TRIO: variants seen among roughly 807,000 people sequenced by gnomAD.
The protein encoded by TRIO is trio Rho guanine nucleotide exchange factor, also known as triple functional domain protein.
In TRIO, 58 loss-of-function variants were observed where a neutral mutation model predicts 351.9. The ratio of observed to expected loss-of-function variants is 0.16; its 90% CI spans 0.13 to 0.21. The LOEUF (loss-of-function observed/expected upper bound fraction) is 0.21. TRIO is among the 10% of genes least tolerant of loss of function. The pLI is 1.00. For synonymous variants in TRIO, 1,758 were observed against 1,595.7 expected (o/e 1.10, Z -2.42); for missense variants, 3,201 against 4,027.8 (o/e 0.79, Z 5.56).
At chr5:14,436,361 A>G (rs1327808838) in intron 34 of TRIO, among the ~76,000 whole-genome samples, 3 of 152,148 alleles carry the variant, frequency 2.0e-5, no homozygotes, top group East Asian at 1.9e-4. Flanking sequence ...CCATGATTCA[A>G]TTACTTCCCA....
In TRIO at chr5:14,492,695, C is replaced by T. The variant is rs776305258; in HGVS notation, c.7761C>T (p.Asn2587=). 1.6e-5 allele frequency: 26 copies of T among 1,614,030 alleles called. No homozygotes were observed. In the African/African-American group the frequency reaches 2.9e-4, roughly 18 times the overall value. The change falls in exon 49 of 57, where the codon AAC becomes AAT. Residue 2587 remains asparagine (N), a synonymous_variant. Coordinates refer to ENST00000344204, the MANE Select transcript of TRIO (RefSeq NM_007118.4). ...AAATTCTGGCCAGCAACCAGCAGAA[C>T]ATGTTTCTGGTGTTCCGAGCCGCCA... The part of the protein sequence containing the change: ...VVQILASNQQ[N]MFLVFRAATD...
intron 13 of TRIO, among the ~76,000 whole-genome samples, chr5:14,361,162 A>G (rs1256790200): frequency 6.6e-6 from 1 of 151,750 alleles, no homozygotes. Context: ...TTCTTCCAGG[A>G]CATTTTGATA....
At chr5:14,314,261 A>G (rs1739182981) in intron 8 of TRIO, among the ~76,000 whole-genome samples, 12 of 152,248 alleles carry the variant, frequency 7.9e-5, no homozygotes, top group Admixed American at 7.8e-4. Flanking sequence ...ATATGTGTAC[A>G]TAAAAATTAT....
chr5:14,181,061 A>C (rs1789734935), intron 1 of TRIO, among the ~76,000 whole-genome samples: 1 of 147,362 alleles, frequency 6.8e-6, no homozygotes, highest in African/African-American at 2.5e-5. Context: ...ATGGATTATA[A>C]AAAAATAACA....
chr5:14,326,399 A>G (rs963696931), intron 9 of TRIO, among the ~76,000 whole-genome samples: 2 of 152,204 alleles, frequency 1.3e-5, no homozygotes, highest in African/African-American at 2.4e-5. Flanking sequence ...GTGCTGAGCG[A>G]TGGTAGCTGT....
chr5:14,491,289 G>T (rs1756463429), intron 48 of TRIO, among the ~76,000 whole-genome samples: 1 of 152,170 alleles, frequency 6.6e-6, no homozygotes. Context: ...AGGCGGTAGA[G>T]CAGGGTTATC....
Position 14,255,933 on chromosome 5 carries a change from G to A in TRIO, c.158-14892G>A, listed in dbSNP as rs1360188174. On this transcript the variant is annotated intron_variant, in intron 1 of 56. Transcript: ENST00000344204. ...ATAAAGCTCAAAAATAAGCAACACA[G>A]CAATATATTGTATACTAATAGGTTA... is the stretch of plus-strand genomic sequence containing the variant. Among the ~76,000 whole-genome samples, 12 of 152,214 alleles carry A rather than the reference G, an allele frequency of 7.9e-5. No individual in the cohort carries two copies. The East Asian group carries it at 2.1e-3, about 27-fold the overall frequency.
chr5:14,349,177 G>GT (rs1172373205), intron 11 of TRIO, among the ~76,000 whole-genome samples: 2 of 147,668 alleles, frequency 1.4e-5, no homozygotes, highest in Non-Finnish European at 3.0e-5. Context: ...GAGCATGTGT[G>GT]TTTTTCCTGT....
At chr5:14,158,074 GAAA>G (rs36010101) in intron 1 of TRIO, among the ~76,000 whole-genome samples, 2 of 151,834 alleles carry the variant, frequency 1.3e-5, no homozygotes, top group South Asian at 2.1e-4. Flanking sequence ...ATTTTAGCAA[GAAA>G]AAAAATCATA....
rs1167472397 is a variant in TRIO at position 14,479,159 on chromosome 5, A to G, written c.6154-102A>G. The G allele has an allele frequency of 1.1e-5, 11 of 968,508 alleles. No individual in the cohort carries two copies. In the African/African-American group the frequency reaches 1.5e-4, roughly 13 times the overall value. 60.0% of individuals were successfully genotyped at this position (968,508 alleles called of 1,614,324 possible). A position where few individuals can be genotyped will look rare whatever the true frequency, so the allele number is the denominator to read the frequency against. On this transcript the variant is annotated intron_variant, in intron 41 of 56. Transcript: ENST00000344204. Reference sequence around the variant, plus strand: ...GCCTTAGCTGTGCAGCTTGGTTTTAAGATGAGTGCCTTTATGAATGTGCTG... The same window carrying G: ...GCCTTAGCTGTGCAGCTTGGTTTTAGGATGAGTGCCTTTATGAATGTGCTG...
intron 1 of TRIO, among the ~76,000 whole-genome samples, chr5:14,235,930 G>A (rs1377521906): frequency 6.6e-6 from 1 of 152,030 alleles, no homozygotes. Flanking sequence ...CTCCCAAAGT[G>A]CCTGGATTAC....
At chr5:14,423,832 A>G (rs949645610) in intron 34 of TRIO, among the ~76,000 whole-genome samples, 3 of 151,796 alleles carry the variant, frequency 2.0e-5, no homozygotes, top group Non-Finnish European at 4.4e-5. Flanking sequence ...ACATCTGGAA[A>G]ACCACCCCAG....
chr5:14,446,185 C>T lies in TRIO; in HGVS notation c.5204-14834C>T, dbSNP rs568929440. On this transcript the variant is annotated intron_variant, in intron 34 of 56. Coordinates refer to ENST00000344204, the MANE Select transcript of TRIO (RefSeq NM_007118.4). Reference sequence around the variant, plus strand: ...TCCTCTATCCTCACTGTGATCACTCCGAGGCTTGACAGGCAGGGAAGAGTT... The same window carrying T: ...TCCTCTATCCTCACTGTGATCACTCTGAGGCTTGACAGGCAGGGAAGAGTT... 6.6e-5 allele frequency among the ~76,000 whole-genome samples: 10 copies of T among 152,072 alleles called. No individual in the cohort carries two copies. The East Asian group carries it at 9.7e-4, about 15-fold the overall frequency.
chr5:14,329,773 A>G (rs961192283), intron 9 of TRIO, among the ~76,000 whole-genome samples: 1 of 152,218 alleles, frequency 6.6e-6, no homozygotes, highest in South Asian at 2.1e-4. Context: ...TCTCCTATCC[A>G]TCAAAGAGGA....
intron 1 of TRIO, among the ~76,000 whole-genome samples, chr5:14,239,292 T>C (rs1793985774): frequency 6.6e-6 from 1 of 152,134 alleles, no homozygotes; most frequent in Non-Finnish European, 1.5e-5. Flanking sequence ...TCTTAGTTCT[T>C]ATGTAAGCGT....
At chr5:14,358,753 T>C (rs896409375) in intron 12 of TRIO, among the ~76,000 whole-genome samples, 3 of 152,200 alleles carry the variant, frequency 2.0e-5, no homozygotes, top group Non-Finnish European at 4.4e-5. Flanking sequence ...CAGGCCTGCA[T>C]GGGGCGGACA....
chr5:14,157,682 G>A (rs567017596), intron 1 of TRIO, among the ~76,000 whole-genome samples: 40 of 151,974 alleles, frequency 2.6e-4, no homozygotes, highest in Non-Finnish European at 4.4e-4. Flanking sequence ...CCATCTTCTG[G>A]GCTCAAGTGA....
chr5:14,237,900 C>G (rs189778762), intron 1 of TRIO, among the ~76,000 whole-genome samples: 2 of 152,276 alleles, frequency 1.3e-5, no homozygotes, highest in South Asian at 2.1e-4. Context: ...ATTCATGACT[C>G]ATCAAATTTT....
At chr5:14,244,460 G>T (rs1794319753) in intron 1 of TRIO, among the ~76,000 whole-genome samples, 1 of 152,170 alleles carries the variant, frequency 6.6e-6, no homozygotes, top group South Asian at 2.1e-4. Context: ...ATAGTAGTAT[G>T]TAGAATACTT....
Sources: allele counts gnomAD v4.1 joint callset (sites outside exome capture counted in the v4.1 genomes callset), GRCh38; gene constraint gnomAD v4.1.1; transcripts MANE v1.5; gene names NCBI Gene and HGNC (gene_info 2026-07-23, HGNC 2026-07-21).